The following PDZRN4 variants were observed in gnomAD, a reference collection of about 807,000 sequenced individuals.
The protein encoded by PDZRN4 is PDZ domain containing ring finger 4.
A neutral mutation model predicts 99.0 loss-of-function variants in PDZRN4; 70 were observed. The observed-to-expected ratio is 0.71, with a 90% CI of 0.58 to 0.86. The LOEUF (loss-of-function observed/expected upper bound fraction) is 0.86. Among genes scored for constraint, PDZRN4 ranks in the 40% least tolerant of loss-of-function variants. The pLI, the probability that PDZRN4 is intolerant of heterozygous loss-of-function variation, is 0.00. For missense variants in PDZRN4, 1,474 were observed against 1,331.2 expected, an observed-to-expected ratio of 1.11 and a Z score of -1.67; for synonymous variants, 551 against 501.6, an observed-to-expected ratio of 1.10 and a Z score of -1.32.
intron 3 of PDZRN4, among the ~76,000 whole-genome samples, chr12:41,393,723 T>C (rs1458260656): frequency 6.6e-6 from 1 of 152,178 alleles, no homozygotes; most frequent in African/African-American, 2.4e-5. Context: ...TAGGGCTGAC[T>C]GAGATTACTT....
intron 3 of PDZRN4, among the ~76,000 whole-genome samples, chr12:41,423,839 G>T (rs530228217): frequency 6.6e-6 from 1 of 152,242 alleles, no homozygotes; most frequent in South Asian, 2.1e-4. Context: ...TAATATATGA[G>T]GATCAGTCAT....
At chr12:41,384,727 A>C (rs549684921) in intron 3 of PDZRN4, among the ~76,000 whole-genome samples, 1 of 152,150 alleles carries the variant, frequency 6.6e-6, no homozygotes, top group Admixed American at 6.6e-5. Context: ...CAAAGTCATC[A>C]TATGTTGACT....
intron 3 of PDZRN4, among the ~76,000 whole-genome samples, chr12:41,420,253 T>C (rs991110683): frequency 6.6e-6 from 1 of 152,112 alleles, no homozygotes; most frequent in Non-Finnish European, 1.5e-5. Context: ...GTGCCTTTCC[T>C]CCTATCCACT....
chr12:41,216,442 T>A (rs1950921428), intron 3 of PDZRN4, among the ~76,000 whole-genome samples: 1 of 152,008 alleles, frequency 6.6e-6, no homozygotes, highest in Non-Finnish European at 1.5e-5. Flanking sequence ...TTTAGAAGCT[T>A]GTGTTTCAAA....
rs1016645007 is a variant in PDZRN4, at chr12:41,552,713, C to T, written c.1261C>T (p.Arg421Ter). Residue 421 changes from arginine (R) to a stop codon, truncating the protein, a stop_gained, in exon 6 of 10, where the codon CGA (arginine) becomes TGA (stop). Coordinates refer to ENST00000402685, the MANE Select transcript of PDZRN4 (RefSeq NM_001164595.2). LOFTEE classifies it high-confidence loss of function. ...GAAGCTGGGCCTGACAGTCTGTTAC[C>T]GAACAGATGATGAAGAAGACACCGG... ...QEKLGLTVCY[R>*]TDDEEDTGIY... is the part of the protein sequence containing the mutation. The T allele has an allele frequency of 6.2e-7, 1 of 1,613,476 alleles. No homozygotes were observed. The highest frequency in any genetic ancestry group is 1.1e-5 in the South Asian group (1 of 91,056).
intron 3 of PDZRN4, among the ~76,000 whole-genome samples, chr12:41,203,728 T>C (rs1464105312): frequency 1.3e-5 from 2 of 151,990 alleles, no homozygotes; most frequent in African/African-American, 2.4e-5. Flanking sequence ...CATTGCTTAA[T>C]ACTACCTATT....
intron 3 of PDZRN4, among the ~76,000 whole-genome samples, chr12:41,304,054 A>C (rs1000894274): frequency 1.3e-5 from 2 of 152,224 alleles, no homozygotes; most frequent in African/African-American, 4.8e-5. Context: ...GGAGGTCAGA[A>C]AATCCTTCAC....
At chr12:41,459,225 G>A (rs10161143) in intron 3 of PDZRN4, among the ~76,000 whole-genome samples, 10,916 of 152,172 alleles carry the variant, frequency 0.072, 955 homozygotes, top group African/African-American at 0.19. Context: ...AGTATATCCC[G>A]TAGATTTGTT....
Position 41,571,372 on chromosome 12 carries a change from TCTCTCACACA to T in PDZRN4, c.1585-990_1585-981del, listed in dbSNP as rs772073345. Among the ~76,000 whole-genome samples, 566 of 103,606 alleles carry T rather than the reference TCTCTCACACA, an allele frequency of 5.5e-3. 3 individuals carry two copies. The highest frequency in any genetic ancestry group is 6.6e-3 in the Non-Finnish European group (377 of 56,862). 68.0% of individuals were successfully genotyped at this position (103,606 alleles called of 152,430 possible). A position where few individuals can be genotyped will look rare whatever the true frequency, so the allele number is the denominator to read the frequency against. On this transcript the variant is annotated intron_variant, in intron 9 of 9. Coordinates refer to ENST00000402685, the MANE Select transcript of PDZRN4 (RefSeq NM_001164595.2). ...CTCTCTCTCTCTCTCTCTCTCTCTC[TCTCTCACACA>T]CACACACACACACACACACACACAC...
chr12:41,479,373 T>C lies in PDZRN4; in HGVS notation c.844-27083T>C, dbSNP rs1322246335. ...TAGTATTATGATACTATGTATCCAT[T>C]CACTTTTACTTGGTTCCATTATTAC... On this transcript the variant is annotated intron_variant, in intron 3 of 9. Transcript: ENST00000402685. Among the ~76,000 whole-genome samples, 3 of 152,232 alleles carry C rather than the reference T, an allele frequency of 2.0e-5. No homozygotes were observed. The South Asian group carries it at 6.2e-4, about 32-fold the overall frequency.
intron 3 of PDZRN4, among the ~76,000 whole-genome samples, chr12:41,390,990 C>G (rs1056439854): frequency 6.6e-6 from 1 of 152,062 alleles, no homozygotes; most frequent in African/African-American, 2.4e-5. Context: ...TGGTATCTCC[C>G]CACTATCAGC....
chr12:41,444,928 G>A (rs1350975192), intron 3 of PDZRN4, among the ~76,000 whole-genome samples: 2 of 151,876 alleles, frequency 1.3e-5, no homozygotes, highest in African/African-American at 4.8e-5. Context: ...ATATGCAAAA[G>A]ACCTTTTATA....
chr12:41,345,962 T>C (rs1951850668), intron 3 of PDZRN4, among the ~76,000 whole-genome samples: 1 of 152,104 alleles, frequency 6.6e-6, no homozygotes, highest in South Asian at 2.1e-4. Context: ...TTATTATTCT[T>C]ATTAAAACTA....
intron 3 of PDZRN4, among the ~76,000 whole-genome samples, chr12:41,352,548 GT>G (rs1951897930): frequency 6.6e-6 from 1 of 152,000 alleles, no homozygotes; most frequent in African/African-American, 2.4e-5. Context: ...ATGTTTTAAA[GT>G]GAAACAAAAA....
chr12:41,520,168 C>G (rs1020802328), intron 5 of PDZRN4, among the ~76,000 whole-genome samples: 1 of 152,074 alleles, frequency 6.6e-6, no homozygotes, highest in African/African-American at 2.4e-5. Flanking sequence ...TTTTTTAACT[C>G]TTAAATATTT....
intron 4 of PDZRN4, among the ~76,000 whole-genome samples, chr12:41,509,008 T>C (rs182000135): frequency 6.6e-6 from 1 of 152,274 alleles, no homozygotes; most frequent in East Asian, 1.9e-4. Context: ...TTAGTCTTCA[T>C]ATGGTATGAT....
chr12:41,244,402 A>C (rs558998671), intron 3 of PDZRN4, among the ~76,000 whole-genome samples: 1 of 152,238 alleles, frequency 6.6e-6, no homozygotes, highest in East Asian at 1.9e-4. Flanking sequence ...AAGTCAAATC[A>C]TGTTACTCCT....
intron 5 of PDZRN4, among the ~76,000 whole-genome samples, chr12:41,552,380 T>C (rs1939073398): frequency 6.6e-6 from 1 of 152,218 alleles, no homozygotes; most frequent in South Asian, 2.1e-4. Flanking sequence ...TACATTATTG[T>C]GTAATTTTTA....
At chr12:41,269,154 CT>C (rs1951297847) in intron 3 of PDZRN4, among the ~76,000 whole-genome samples, 1 of 152,114 alleles carries the variant, frequency 6.6e-6, no homozygotes. Context: ...TATAATGGTT[CT>C]GAAGCTAAGA....
Sources: gnomAD v4.1 joint callset for allele counts (sites outside exome capture counted in the v4.1 genomes callset) on GRCh38, gnomAD v4.1.1 for gene constraint, MANE v1.5 for transcripts, NCBI Gene and HGNC (gene_info 2026-07-23, HGNC 2026-07-21) for gene names.